Variants in EMILIN2 observed in about 807,000 individuals in gnomAD.
EMILIN2 encodes the protein elastin microfibril interfacer 2.
A neutral mutation model predicts 87.1 loss-of-function variants in EMILIN2; 71 were observed. That is an observed-to-expected ratio of 0.82 (90% confidence interval 0.67 to 0.99). The LOEUF (loss-of-function observed/expected upper bound fraction) is 0.99. Among genes scored for constraint, EMILIN2 ranks in the 50% least tolerant of loss-of-function variants. EMILIN2 has a pLI of 0.00. For missense variants in EMILIN2, 1,407 were observed against 1,371.8 expected (o/e 1.03, Z -0.40); for synonymous variants, 581 against 563.4 (o/e 1.03, Z -0.44).
chr18:2,861,028 A>G (rs968115651), intron 2 of EMILIN2, among the ~76,000 whole-genome samples: 3 of 152,152 alleles, frequency 2.0e-5, no homozygotes, highest in Admixed American at 6.5e-5. Context: ...GGCTGCATAA[A>G]TGTCTTCTTT....
intron 3 of EMILIN2, among the ~76,000 whole-genome samples, chr18:2,885,663 G>A (rs1484296116): frequency 7.9e-5 from 12 of 152,016 alleles, no homozygotes; most frequent in Admixed American, 2.0e-4. Context: ...GATTACAGGC[G>A]CCTGCCACCA....
chr18:2,852,170 ATGCATGTGCC>A (rs367567076), intron 2 of EMILIN2, among the ~76,000 whole-genome samples: 235 of 152,328 alleles, frequency 1.5e-3, no homozygotes, highest in African/African-American at 5.5e-3. Context: ...GCGCGTGTGC[ATGCATGTGCC>A]TGCATGTGCC....
chr18:2,888,279 C>A (rs34765330), intron 3 of EMILIN2, among the ~76,000 whole-genome samples: 1 of 152,092 alleles, frequency 6.6e-6, no homozygotes, highest in East Asian at 1.9e-4. Context: ...GCAATTTGCA[C>A]AGTCACCGTG....
intron 2 of EMILIN2, among the ~76,000 whole-genome samples, chr18:2,872,603 A>G (rs959127540): frequency 6.6e-6 from 1 of 152,244 alleles, no homozygotes; most frequent in African/African-American, 2.4e-5. Context: ...AGTTAAATCA[A>G]CCAAAGTAAT....
rs368361438 is a variant in EMILIN2, at chr18:2,909,693, G to T, written c.2698G>T (p.Ala900Ser). Reference protein sequence around the residue: ...PKSPPVASPGAPVPSLVSFSA... With the variant: ...PKSPPVASPGSPVPSLVSFSA... ...ATTCCATCCTTTCTCTGCTCCAGGAGCTCCGGTGCCTTCTCTGGTGTCTTT... is the reference window on the plus strand; with the variant it reads ...ATTCCATCCTTTCTCTGCTCCAGGATCTCCGGTGCCTTCTCTGGTGTCTTT... The change falls in exon 7 of 8, where the codon GCT becomes TCT. Residue 900 changes from alanine (A) to serine (S), a missense_variant and splice_region_variant. Transcript: ENST00000254528. The T allele has an allele frequency of 3.1e-6, 5 of 1,613,684 alleles. No homozygotes were observed. The African/African-American group carries it at 6.7e-5, about 22-fold the overall frequency.
Position 2,890,658 on chromosome 18 carries a change from G to C in EMILIN2, c.531G>C (p.Gln177His). ...SWGVDPKEGP[Q>H]ELQEKKIQVL... ...GGGTAGATCCAAAAGAGGGGCCTCA[G>C]GAACTTCAGGAAAAGAAGATACAGG... The change falls in exon 4 of 8, where the codon CAG (glutamine) becomes CAC (histidine). Residue 177 changes from glutamine (Q) to histidine (H), a missense_variant. By Grantham distance (24) the Gln-to-His change is conservative. Transcript: ENST00000254528. This position sits in a 1 kb window ranked among gnomAD's most constrained non-coding sequence, Gnocchi z 4.7. 1 of 1,614,082 alleles carries C rather than the reference G, an allele frequency of 6.2e-7. No individual in the cohort carries two copies. Among genetic ancestry groups the C allele is most frequent in the South Asian group, 1.1e-5 (1 of 91,074 alleles).
At position 2,880,487 on chromosome 18, in the gene EMILIN2, G is replaced by A. The variant is rs1213601786; in HGVS notation, c.258-4477G>A. 1.3e-5 allele frequency among the ~76,000 whole-genome samples: 2 copies of A among 152,200 alleles called. No individual in the cohort carries two copies. The highest frequency in any genetic ancestry group is 2.9e-5 in the Non-Finnish European group (2 of 68,022). On this transcript the variant is annotated intron_variant, in intron 2 of 7. Coordinates refer to ENST00000254528, the MANE Select transcript of EMILIN2 (RefSeq NM_032048.3). The surrounding 1 kb of genome is among the most constrained non-coding windows in gnomAD (Gnocchi z 4.1). ...GACAGGCCCAGGGTTACAGCCCCAA[G>A]GGCCGCCCCCGCCCATACCCAAGGC...
intron 4 of EMILIN2, among the ~76,000 whole-genome samples, chr18:2,902,871 C>T (rs9959970): frequency 0.44 from 66,049 of 151,674 alleles, 14,523 homozygotes; most frequent in South Asian, 0.58. Flanking sequence ...AAGAGTGAAA[C>T]AGGACTCTGT....
intron 2 of EMILIN2, among the ~76,000 whole-genome samples, chr18:2,875,970 G>T (rs1460514202): frequency 2.1e-5 from 3 of 142,866 alleles, no homozygotes; most frequent in Non-Finnish European, 4.5e-5. Context: ...GAAGTGAAAA[G>T]GATTTTAGAT....
At chr18:2,896,329 C>T (rs752817431) in intron 4 of EMILIN2, among the ~76,000 whole-genome samples, 1 of 152,038 alleles carries the variant, frequency 6.6e-6, no homozygotes, top group African/African-American at 2.4e-5. Context: ...GTGTCTGCCA[C>T]CACATCCAGC....
chr18:2,908,557 C>T (rs1416735608), intron 5 of EMILIN2, among the ~76,000 whole-genome samples: 1 of 152,250 alleles, frequency 6.6e-6, no homozygotes, highest in Non-Finnish European at 1.5e-5. Flanking sequence ...TTAATAAGTA[C>T]TGCATTCAGT....
intron 2 of EMILIN2, among the ~76,000 whole-genome samples, chr18:2,856,967 T>C (rs1403594944): frequency 6.6e-6 from 1 of 152,288 alleles, no homozygotes; most frequent in East Asian, 1.9e-4. Flanking sequence ...TGTTTTAAAA[T>C]GGTGATGAGG....
intron 2 of EMILIN2, among the ~76,000 whole-genome samples, chr18:2,869,720 A>G (rs2076708994): frequency 6.6e-6 from 1 of 151,556 alleles, no homozygotes; most frequent in African/African-American, 2.4e-5. Context: ...GGTGTGTGCC[A>G]CTGCACCTGG....
chr18:2,898,425 A>G (rs2076873465), intron 4 of EMILIN2, among the ~76,000 whole-genome samples: 2 of 151,944 alleles, frequency 1.3e-5, no homozygotes, highest in Non-Finnish European at 2.9e-5. Flanking sequence ...CTGCCTTCCC[A>G]CTGTTCCTCT....
At chr18:2,908,311 C>T (rs1440409156) in intron 5 of EMILIN2, among the ~76,000 whole-genome samples, 1 of 152,194 alleles carries the variant, frequency 6.6e-6, no homozygotes, top group African/African-American at 2.4e-5. Context: ...CCCACCCACA[C>T]ATGTATCCGT....
intron 2 of EMILIN2, among the ~76,000 whole-genome samples, chr18:2,872,584 G>A (rs1314293746): frequency 6.6e-6 from 1 of 152,168 alleles, no homozygotes; most frequent in Non-Finnish European, 1.5e-5. Context: ...ATGTGATACA[G>A]TAGGTTCTAG....
chr18:2,883,055 C>G (rs2076785000), intron 2 of EMILIN2, among the ~76,000 whole-genome samples: 1 of 152,070 alleles, frequency 6.6e-6, no homozygotes, highest in African/African-American at 2.4e-5. Flanking sequence ...ACAAAAAACA[C>G]AACAAAAACC....
In EMILIN2 at chr18:2,891,856, C is replaced by T. The variant is rs749622305; in HGVS notation, c.1729C>T (p.Arg577Cys). Residue 577 changes from arginine (R) to cysteine (C), a missense_variant, in exon 4 of 8, where the codon CGC becomes TGC. By Grantham distance (180) the Arg-to-Cys change is radical (BLOSUM62 -3). Coordinates refer to ENST00000254528, the MANE Select transcript of EMILIN2 (RefSeq NM_032048.3). The surrounding 1 kb of genome is among the most constrained non-coding windows in gnomAD (Gnocchi z 4.6). The stretch of plus-strand genomic sequence containing the variant: ...GCCAAACAGGGAAGACCGCGCAGTA[C>T]GCGACAGCCTGCACCTTTTGAAATC... ...ALPNREDRAV[R>C]DSLHLLKSLN... 37 of 1,614,130 alleles carry T rather than the reference C, an allele frequency of 2.3e-5. No homozygotes were observed. The highest frequency in any genetic ancestry group is 6.7e-5 in the African/African-American group (5 of 74,952).
At chr18:2,867,518 C>G (rs916631883) in intron 2 of EMILIN2, among the ~76,000 whole-genome samples, 5 of 152,026 alleles carry the variant, frequency 3.3e-5, no homozygotes, top group Admixed American at 2.6e-4. Flanking sequence ...TGTTTGTGTC[C>G]CTGGGTACTT....
Sources: gnomAD v4.1 joint callset for allele counts (sites outside exome capture counted in the v4.1 genomes callset) on GRCh38, gnomAD v4.1.1 for gene constraint, Gnocchi (gnomAD v3.1) non-coding constraint, MANE v1.5 for transcripts, NCBI Gene and HGNC (gene_info 2026-07-23, HGNC 2026-07-21) for gene names.